Variants in SIN3A observed in about 807,000 individuals in gnomAD.
SIN3A encodes the protein SIN3 transcription regulator family member A.
In SIN3A, 14 loss-of-function variants were observed where a neutral mutation model predicts 146.1. The ratio of observed to expected loss-of-function variants is 0.10; its 90% CI spans 0.06 to 0.15. The LOEUF (loss-of-function observed/expected upper bound fraction) is 0.15, where lower values mean the gene tolerates loss of function less well. Among genes scored for constraint, SIN3A ranks in the 10% least tolerant of loss-of-function variants. The pLI, the probability that SIN3A is intolerant of heterozygous loss-of-function variation, is 1.00. For missense variants in SIN3A, 1,028 were observed against 1,576.0 expected (o/e 0.65, Z 5.89); for synonymous variants, 572 against 572.0 (o/e 1.00, Z 0.00).
chr15:75,418,975 T>C (rs1298620746), intron 3 of SIN3A, among the ~76,000 whole-genome samples: 4 of 151,884 alleles, frequency 2.6e-5, no homozygotes, highest in African/African-American at 9.7e-5. Flanking sequence ...GCCAGGATGG[T>C]CTCGATCTCC....
chr15:75,411,783 G>C, intron 5 of SIN3A, 40 bp from the exon 6 acceptor site: 3 of 1,526,874 alleles, frequency 2.0e-6, no homozygotes, highest in Non-Finnish European at 2.6e-6. Flanking sequence ...CAGATGCATA[G>C]ATGAGTTGAT....
rs779346473 is a variant in SIN3A, at chr15:75,396,351, T to C, written c.2000A>G (p.Lys667Arg). Residue 667 changes from lysine to arginine, a missense_variant, in exon 13 of 21, where the codon AAA (lysine) becomes AGA (arginine). Transcript: ENST00000394947. ...ATCAGCATATATCCTCTGGAGTGCT[T>C]TTCTATGGATGACTTCTGATGTGCC... ...LGGTSEVIHR[K>R]ALQRIYADKA... The C allele has an allele frequency of 6.8e-6, 11 of 1,614,036 alleles. No homozygotes were observed. The highest frequency in any genetic ancestry group is 3.3e-5 in the South Asian group (3 of 91,080).
At chr15:75,450,577 G>A (rs1447142468) in intron 1 of SIN3A, among the ~76,000 whole-genome samples, 3 of 152,228 alleles carry the variant, frequency 2.0e-5, no homozygotes, top group East Asian at 3.8e-4. Flanking sequence ...CAACCAAGAG[G>A]GGAGTGGGGG....
In SIN3A at chr15:75,414,245, T is replaced by C; in HGVS notation, c.433A>G (p.Asn145Asp). The C allele has an allele frequency of 6.4e-7, 1 of 1,551,742 alleles. No individual in the cohort carries two copies. The highest frequency in any genetic ancestry group is 8.8e-7 in the Non-Finnish European group (1 of 1,140,692). Residue 145 changes from asparagine to aspartate, a missense_variant, in exon 4 of 21, where the codon AAT becomes GAT. Around this residue, in one of 9 missense-constraint regions of SIN3A, gnomAD observed 152 missense variants for 231.5 expected, o/e 0.66. Coordinates refer to ENST00000394947, the MANE Select transcript of SIN3A (RefSeq NM_001145358.2). ...LQFGSQPQVY[N>D]DFLDIMKEFK... Reference sequence around the variant, plus strand: ...TCCTTCATGATGTCAAGGAAATCATTGTAGACCTGAGGCTGACTACCAAAC... The same window carrying C: ...TCCTTCATGATGTCAAGGAAATCATCGTAGACCTGAGGCTGACTACCAAAC...
At chr15:75,406,350 T>C (rs1361456649) in intron 9 of SIN3A, among the ~76,000 whole-genome samples, 1 of 152,232 alleles carries the variant, frequency 6.6e-6, no homozygotes, top group African/African-American at 2.4e-5. Context: ...TTCCCCTGAA[T>C]GCTATGTATG....
intron 12 of SIN3A, among the ~76,000 whole-genome samples, chr15:75,398,425 C>T (rs1371004566): frequency 1.3e-5 from 2 of 152,128 alleles, no homozygotes; most frequent in African/African-American, 4.8e-5. Context: ...CTTGTAATCC[C>T]AGCACTTTGG....
rs1207340216 is a variant in SIN3A, at chr15:75,372,204, A to G, written c.3597T>C (p.His1199=). ...RTALLRAHQS[H]ERVSKRLHQR... ...GATGTAGACGCTTGCTTACACGCTCATGGGACTGCAAAACAGAAAAAAAAA... is the reference window on the plus strand; with the variant it reads ...GATGTAGACGCTTGCTTACACGCTCGTGGGACTGCAAAACAGAAAAAAAAA... Residue 1199 remains histidine, a synonymous_variant, in exon 21 of 21, where the codon CAT becomes CAC. Coordinates refer to ENST00000394947, the MANE Select transcript of SIN3A (RefSeq NM_001145358.2). 5.1e-6 allele frequency: 8 copies of G among 1,574,882 alleles called. No individual in the cohort carries two copies. In the Admixed American group the frequency reaches 1.4e-4, roughly 27 times the overall value.
At chr15:75,402,669 C>T (rs1450908550) in intron 9 of SIN3A, among the ~76,000 whole-genome samples, 1 of 152,162 alleles carries the variant, frequency 6.6e-6, no homozygotes, top group Non-Finnish European at 1.5e-5. Context: ...CAGTCCAGCA[C>T]TGTTGCCCAG....
intron 1 of SIN3A, among the ~76,000 whole-genome samples, chr15:75,444,376 G>A (rs754199677): frequency 2.0e-5 from 3 of 152,148 alleles, no homozygotes; most frequent in Non-Finnish European, 4.4e-5. Context: ...AGGAGGCGGA[G>A]GTTGCAGTGA....
intron 1 of SIN3A, among the ~76,000 whole-genome samples, chr15:75,447,003 G>A (rs1042639771): frequency 2.0e-5 from 3 of 152,060 alleles, no homozygotes; most frequent in African/African-American, 4.8e-5. Context: ...TCCTGACCTC[G>A]TGATCCGCCT....
At chr15:75,401,435 G>C (rs186854553) in intron 10 of SIN3A, among the ~76,000 whole-genome samples, 10 of 152,114 alleles carry the variant, frequency 6.6e-5, no homozygotes, top group African/African-American at 2.4e-4. Flanking sequence ...TTGGGGGGCC[G>C]AGGCAGGAGA....
chr15:75,450,892 C>A (rs918771290), intron 1 of SIN3A, among the ~76,000 whole-genome samples: 2 of 152,126 alleles, frequency 1.3e-5, no homozygotes, highest in African/African-American at 2.4e-5. Context: ...CAGGGGGGGA[C>A]GGCCAAGGGG....
intron 2 of SIN3A, among the ~76,000 whole-genome samples, chr15:75,424,774 G>C (rs1377410329): frequency 6.6e-6 from 1 of 152,098 alleles, no homozygotes; most frequent in African/African-American, 2.4e-5. Context: ...TGCCCAGCCT[G>C]TAACTTTCAT....
At chr15:75,446,094 A>G (rs1026377105) in intron 1 of SIN3A, 1 of 152,110 alleles carries the variant, frequency 6.6e-6, no homozygotes, top group African/African-American at 2.4e-5. Context: ...CTCTTCCCTC[A>G]AGAAGCTTAT....
In SIN3A at chr15:75,400,081, A is replaced by G. The variant is rs111371012; in HGVS notation, c.1813T>C (p.Tyr605His). 1 of 1,611,480 alleles carries G rather than the reference A, an allele frequency of 6.2e-7. No homozygotes were observed. The highest frequency in any genetic ancestry group is 8.5e-7 in the Non-Finnish European group (1 of 1,177,714). Reference sequence around the variant, plus strand: ...TCACAACGATAAATATGTTCTTCATATTGAGTCTTCTTGGAACTCACAAAG... The same window carrying G: ...TCACAACGATAAATATGTTCTTCATGTTGAGTCTTCTTGGAACTCACAAAG... ...STFVSSKKTQYEEHIYRCEDE... is the reference protein window; with the variant it reads ...STFVSSKKTQHEEHIYRCEDE... Residue 605 changes from tyrosine (Y) to histidine (H), a missense_variant, in exon 12 of 21, where the codon TAT becomes CAT. By Grantham distance (83) the Tyr-to-His change is moderately conservative. Around this residue, in one of 9 missense-constraint regions of SIN3A, gnomAD observed 157 missense variants for 284.8 expected, o/e 0.55. Transcript: ENST00000394947.
rs142414759 is a variant in SIN3A at position 75,411,624 on chromosome 15, C to T, written c.876G>A (p.Thr292=). 3.1e-6 allele frequency: 5 copies of T among 1,614,006 alleles called. No homozygotes were observed. Among genetic ancestry groups the T allele is most frequent in the Non-Finnish European group, 3.4e-6 (4 of 1,180,024 alleles). The change falls in exon 6 of 21, where the codon ACG becomes ACA. Residue 292 remains threonine, a synonymous_variant. Coordinates refer to ENST00000394947, the MANE Select transcript of SIN3A (RefSeq NM_001145358.2). ...GTTGATTGTTCTGCAAGGATGGGGC[C>T]GTTCCCAACGAGATTGTCACTGGTG... ...PHTPVTISLG[T]APSLQNNQPV...
intron 1 of SIN3A, among the ~76,000 whole-genome samples, chr15:75,438,169 T>C (rs1370535227): frequency 1.3e-5 from 2 of 152,152 alleles, no homozygotes; most frequent in African/African-American, 4.8e-5. Flanking sequence ...AAAACCAGCC[T>C]GGCCAACATG....
chr15:75,436,442 G>A (rs2074109647), intron 1 of SIN3A: 1 of 152,084 alleles, frequency 6.6e-6, no homozygotes, highest in South Asian at 2.1e-4. Flanking sequence ...CTGCACTCGA[G>A]CCTGGACAAA....
At chr15:75,375,144 C>T (rs569163377) in intron 20 of SIN3A, among the ~76,000 whole-genome samples, 11 of 152,104 alleles carry the variant, frequency 7.2e-5, no homozygotes, top group Non-Finnish European at 1.3e-4. Flanking sequence ...TTATGTTGGC[C>T]GGGCATGGTG....
Sources: allele counts gnomAD v4.1 joint callset (sites outside exome capture counted in the v4.1 genomes callset), GRCh38; gene constraint gnomAD v4.1.1; regional missense constraint gnomAD v4.1.1; transcripts MANE v1.5; gene names NCBI Gene and HGNC (gene_info 2026-07-23, HGNC 2026-07-21).